SAMMSON: variants seen among roughly 807,000 people sequenced by gnomAD.
The protein encoded by SAMMSON is survival associated mitochondrial melanoma specific oncogenic non-coding RNA.
intron 3 of SAMMSON, among the ~76,000 whole-genome samples, chr3:70,026,815 G>A (rs563401821): frequency 8.5e-5 from 13 of 152,200 alleles, no homozygotes; most frequent in Non-Finnish European, 1.5e-4. Context: ...TTGTGTGATG[G>A]TGCAAGCATG....
rs181572786 is a variant in SAMMSON, at chr3:70,285,852, T to C, written n.675-5327T>C. ...CATGTGTTTTTTGGCTGCATAAATG[T>C]CTTCTTTTGAGAAGTGTCTGTTCAT... is the stretch of plus-strand genomic sequence containing the variant. On this transcript the variant is annotated intron_variant and non_coding_transcript_variant, in intron 6 of 9. Coordinates refer to ENST00000642114, the Ensembl canonical transcript of SAMMSON. Among the ~76,000 whole-genome samples, 276 of 152,264 alleles carry C rather than the reference T, an allele frequency of 1.8e-3. 1 individual carries two copies. The highest frequency in any genetic ancestry group is 6.4e-3 in the African/African-American group (265 of 41,542).
chr3:70,239,800 C>T (rs1315486402), intron 4 of SAMMSON, among the ~76,000 whole-genome samples: 2 of 152,040 alleles, frequency 1.3e-5, no homozygotes, highest in Admixed American at 6.6e-5. Flanking sequence ...AGTGACGTCT[C>T]GTTCAACTCA....
intron 4 of SAMMSON, among the ~76,000 whole-genome samples, chr3:70,074,337 A>G (rs543262332): frequency 6.6e-6 from 1 of 152,204 alleles, no homozygotes; most frequent in South Asian, 2.1e-4. Context: ...AATTTCAATG[A>G]GCCCCTTTAG....
chr3:70,402,547 T>C (rs922971606), intron 2 of SAMMSON, among the ~76,000 whole-genome samples: 2 of 152,164 alleles, frequency 1.3e-5, no homozygotes, highest in African/African-American at 2.4e-5. Context: ...ACATAGTCTC[T>C]TAGGAAAATG....
chr3:70,166,800 T>G (rs1283456109), intron 4 of SAMMSON, among the ~76,000 whole-genome samples: 1 of 152,006 alleles, frequency 6.6e-6, no homozygotes, highest in Non-Finnish European at 1.5e-5. Context: ...TGAATTTGAA[T>G]CATTGATGTC....
intron 4 of SAMMSON, among the ~76,000 whole-genome samples, chr3:70,105,500 C>CGTTTCA (rs2106657139): frequency 6.6e-6 from 1 of 152,254 alleles, no homozygotes; most frequent in South Asian, 2.1e-4. Flanking sequence ...CTGCTCCCTC[C>CGTTTCA]GTTTCAGTAT....
chr3:70,091,775 C>A (rs2106647703), intron 4 of SAMMSON, among the ~76,000 whole-genome samples: 1 of 152,256 alleles, frequency 6.6e-6, no homozygotes, highest in South Asian at 2.1e-4. Flanking sequence ...GAGGAGCCTT[C>A]ATTTGTCTAA....
downstream of SAMMSON, chr3:70,389,940 C>T (rs188046049): frequency 2.0e-5 from 3 of 152,060 alleles, no homozygotes; most frequent in Non-Finnish European, 4.4e-5. Flanking sequence ...TCTTTCTTCT[C>T]TTGCTAGAAA....
intron 4 of SAMMSON, among the ~76,000 whole-genome samples, chr3:70,208,754 G>T (rs898725550): frequency 3.3e-5 from 5 of 152,040 alleles, no homozygotes; most frequent in African/African-American, 1.2e-4. Context: ...ACTGGCACCA[G>T]AACTATCAGT....
At chr3:70,299,673 C>T (rs1050282914) in intron 7 of SAMMSON, among the ~76,000 whole-genome samples, 1 of 152,046 alleles carries the variant, frequency 6.6e-6, no homozygotes, top group Non-Finnish European at 1.5e-5. Context: ...TTTGTGGATG[C>T]AACAAGCTTC....
chr3:70,070,284 A>G (rs79259993), intron 3 of SAMMSON: 98 of 152,202 alleles, frequency 6.4e-4, no homozygotes, highest in African/African-American at 2.3e-3. Flanking sequence ...TTGACAAAAT[A>G]CTATTCATTA....
At chr3:70,232,600 G>T (rs894787013) in intron 4 of SAMMSON, among the ~76,000 whole-genome samples, 1 of 151,938 alleles carries the variant, frequency 6.6e-6, no homozygotes, top group East Asian at 1.9e-4. Context: ...GGGTTTCACT[G>T]TGTGGGCCAG....
intron 4 of SAMMSON, among the ~76,000 whole-genome samples, chr3:70,188,487 A>G (rs1701108071): frequency 6.6e-6 from 1 of 152,178 alleles, no homozygotes; most frequent in Admixed American, 6.5e-5. Flanking sequence ...AAATAAAGAG[A>G]TATGGGAATT....
intron 7 of SAMMSON, among the ~76,000 whole-genome samples, chr3:70,344,163 A>G (rs1702732557): frequency 2.6e-5 from 4 of 152,068 alleles, no homozygotes; most frequent in Non-Finnish European, 5.9e-5. Flanking sequence ...CTAAATAAGA[A>G]CAGGCATTCC....
chr3:70,063,261 A>AT (rs1418069905), intron 3 of SAMMSON, among the ~76,000 whole-genome samples: 75 of 152,222 alleles, frequency 4.9e-4, no homozygotes, highest in Admixed American at 4.8e-3. Flanking sequence ...TAATATTTGA[A>AT]TAGGTTCATT....
At chr3:70,003,588 G>A (rs909379192) in intron 1 of SAMMSON, among the ~76,000 whole-genome samples, 1 of 151,662 alleles carries the variant, frequency 6.6e-6, no homozygotes, top group Non-Finnish European at 1.5e-5. Flanking sequence ...CCACTTTAAT[G>A]CTATTTATTC....
At position 70,125,068 on chromosome 3, in the gene SAMMSON, A is replaced by T. The variant is rs2067451136; in HGVS notation, n.507+53503A>T. 3.0e-5 allele frequency: 26 copies of T among 853,370 alleles called. No individual in the cohort carries two copies. The South Asian group carries it at 3.5e-4, about 12-fold the overall frequency. The allele number at this position is 853,370 out of a possible 1,614,324, so 52.9% of individuals were successfully genotyped here. On this transcript the variant is annotated intron_variant and non_coding_transcript_variant, in intron 4 of 9. Coordinates refer to ENST00000642114, the Ensembl canonical transcript of SAMMSON. ...CAAAAGAAACCTTTATTAATTTTTA[A>T]CACTTTCTTTTTCCTTCCTTAGGAT...
At chr3:70,011,862 G>A (rs1169698189) in intron 1 of SAMMSON, among the ~76,000 whole-genome samples, 3 of 152,064 alleles carry the variant, frequency 2.0e-5, no homozygotes, top group Non-Finnish European at 4.4e-5. Flanking sequence ...TGCTCATACT[G>A]TGTTTGAAAA....
intron 3 of SAMMSON, among the ~76,000 whole-genome samples, chr3:70,067,251 AT>A (rs1487289955): frequency 2.0e-5 from 3 of 152,082 alleles, no homozygotes; most frequent in Non-Finnish European, 4.4e-5. Flanking sequence ...TATCAAATTT[AT>A]TTTAAAAGAA....
Sources: allele counts gnomAD v4.1 joint callset (sites outside exome capture counted in the v4.1 genomes callset), GRCh38; gene constraint gnomAD v4.1.1; transcripts MANE v1.5; gene names NCBI Gene and HGNC (gene_info 2026-07-23, HGNC 2026-07-21).